Variants in LINGO2 observed in about 807,000 individuals in gnomAD.
LINGO2 encodes the protein leucine-rich repeat and immunoglobulin-like domain-containing nogo receptor-interacting protein 2.
Under a neutral mutation model 30.6 loss-of-function variants are expected in LINGO2, and 14 were observed. That is an observed-to-expected ratio of 0.46 (90% CI 0.30 to 0.72). The LOEUF (loss-of-function observed/expected upper bound fraction) is 0.72, where lower values mean the gene tolerates loss of function less well. Ranked by LOEUF, LINGO2 falls within the 30% of genes least tolerant of loss-of-function variation. LINGO2 has a pLI of 0.07. For missense variants in LINGO2, 729 were observed against 751.7 expected, an observed-to-expected ratio of 0.97 and a Z score of 0.35; for synonymous variants, 317 against 288.5, an observed-to-expected ratio of 1.10 and a Z score of -1.00.
the LINGO2 span, among the ~76,000 whole-genome samples, chr9:29,150,981 A>T: frequency 6.6e-6 from 1 of 152,122 alleles, no homozygotes; most frequent in Non-Finnish European, 1.5e-5. Flanking sequence ...TGCAAACAAA[A>T]AAAATATATA....
the LINGO2 span, among the ~76,000 whole-genome samples, chr9:29,035,698 A>G: frequency 6.6e-6 from 1 of 151,792 alleles, no homozygotes. Context: ...AGGAAAATAA[A>G]TGATGTTAAG....
intron 3 of LINGO2, among the ~76,000 whole-genome samples, chr9:28,351,722 C>T (rs1047661669): frequency 4.6e-5 from 7 of 152,066 alleles, no homozygotes; most frequent in African/African-American, 1.4e-4. Flanking sequence ...GACCAATATC[C>T]TTGATGAACA....
At chr9:28,703,597 T>A in the LINGO2 span, among the ~76,000 whole-genome samples, 7 of 152,036 alleles carry the variant, frequency 4.6e-5, no homozygotes, top group East Asian at 1.2e-3. Context: ...CCAATAGATA[T>A]CAATTACAAG....
the LINGO2 span, among the ~76,000 whole-genome samples, chr9:29,092,421 A>C: frequency 1.3e-5 from 2 of 152,068 alleles, no homozygotes; most frequent in Non-Finnish European, 2.9e-5. Flanking sequence ...TGTAGACATA[A>C]ACCAATTATT....
intron 4 of LINGO2, among the ~76,000 whole-genome samples, chr9:28,160,877 C>A (rs10757714): frequency 0.48 from 72,735 of 151,858 alleles, 18,857 homozygotes; most frequent in East Asian, 0.63. Flanking sequence ...TTCTTAGCTA[C>A]TCTTGCCCAC....
the LINGO2 span, among the ~76,000 whole-genome samples, chr9:28,976,436 C>G: frequency 6.6e-6 from 1 of 152,210 alleles, no homozygotes; most frequent in East Asian, 1.9e-4. Flanking sequence ...ATGGGAAGAT[C>G]ATGCAATTGA....
chr9:28,148,811 G>A lies in LINGO2; in HGVS notation c.-86-136406C>T. On this transcript the variant is annotated intron_variant, in intron 4 of 5. Transcript: ENST00000379992. The surrounding 1 kb of genome is among the most constrained non-coding windows in gnomAD (Gnocchi z 5.1). ...AGGCTGCTCCCTGTGGCCAGAGAAG[G>A]CGGCCTTGAAGGTGCTGGGTAAAGA... 6.5e-7 allele frequency: 1 copy of A among 1,533,910 alleles called. No individual in the cohort carries two copies. Among genetic ancestry groups the A allele is most frequent in the Non-Finnish European group, 8.7e-7 (1 of 1,146,640 alleles).
At chr9:28,918,815 T>C in the LINGO2 span, among the ~76,000 whole-genome samples, 2 of 152,124 alleles carry the variant, frequency 1.3e-5, no homozygotes, top group African/African-American at 2.4e-5. Context: ...AACTAGGACA[T>C]AAACTGCAAT....
intron 2 of LINGO2, among the ~76,000 whole-genome samples, chr9:28,448,021 G>C (rs140314068): frequency 9.5e-4 from 144 of 152,134 alleles, no homozygotes; most frequent in African/African-American, 2.8e-3. Context: ...GTACCACTCA[G>C]TTTTATCAAT....
chr9:28,517,442 A>G (rs180733155), intron 1 of LINGO2, among the ~76,000 whole-genome samples: 94 of 152,338 alleles, frequency 6.2e-4, no homozygotes, highest in African/African-American at 2.2e-3. Flanking sequence ...TTTATTTATG[A>G]GAATTTCTGT....
At chr9:27,945,708 A>G (rs1823338128), downstream of LINGO2, among the ~76,000 whole-genome samples, 1 of 152,150 alleles carries the variant, frequency 6.6e-6, no homozygotes, top group Non-Finnish European at 1.5e-5. Context: ...ATCAGAAGCC[A>G]TGAGGGAAAA....
chr9:29,160,688 G>A, the LINGO2 span, among the ~76,000 whole-genome samples: 1 of 152,174 alleles, frequency 6.6e-6, no homozygotes, highest in African/African-American at 2.4e-5. Flanking sequence ...CTAAGGGACA[G>A]ATATATATTT....
the LINGO2 span, among the ~76,000 whole-genome samples, chr9:29,165,223 G>A: frequency 5.9e-5 from 9 of 151,796 alleles, no homozygotes; most frequent in African/African-American, 2.2e-4. Flanking sequence ...TCTATATCTG[G>A]CTCCTAAAAT....
chr9:28,985,990 T>G, the LINGO2 span, among the ~76,000 whole-genome samples: 1 of 152,056 alleles, frequency 6.6e-6, no homozygotes, highest in Non-Finnish European at 1.5e-5. Context: ...TTACAGATTC[T>G]GGTATTACAA....
the LINGO2 span, among the ~76,000 whole-genome samples, chr9:28,680,871 A>C: frequency 0.37 from 56,408 of 151,708 alleles, 11,491 homozygotes; most frequent in African/African-American, 0.52. Flanking sequence ...TTGACATTAA[A>C]CCCTTGTCAG....
chr9:28,517,988 T>A (rs191157483), intron 1 of LINGO2, among the ~76,000 whole-genome samples: 1 of 152,156 alleles, frequency 6.6e-6, no homozygotes, highest in African/African-American at 2.4e-5. Flanking sequence ...GCAAAGCCAA[T>A]TGGATTCCAA....
At chr9:28,553,419 G>A (rs1042267964) in intron 1 of LINGO2, among the ~76,000 whole-genome samples, 3 of 151,992 alleles carry the variant, frequency 2.0e-5, no homozygotes, top group Admixed American at 2.0e-4. Flanking sequence ...TGAAATGAAT[G>A]AAATGAAGTG....
At chr9:28,962,646 T>C in the LINGO2 span, among the ~76,000 whole-genome samples, 7 of 151,922 alleles carry the variant, frequency 4.6e-5, no homozygotes, top group Non-Finnish European at 1.0e-4. Flanking sequence ...AAGGATTTTA[T>C]AGTAAGTACC....
chr9:27,974,973 C>T (rs1366165529), intron 5 of LINGO2, among the ~76,000 whole-genome samples: 2 of 152,128 alleles, frequency 1.3e-5, no homozygotes, highest in Non-Finnish European at 2.9e-5. Flanking sequence ...CTTATCAAAC[C>T]TGCCCCAGAC....
Sources: allele counts gnomAD v4.1 joint callset (sites outside exome capture counted in the v4.1 genomes callset), GRCh38; gene constraint gnomAD v4.1.1; non-coding constraint Gnocchi (gnomAD v3.1); transcripts MANE v1.5; gene names NCBI Gene and HGNC (gene_info 2026-07-23, HGNC 2026-07-21).